SGPP1: variants seen among roughly 807,000 people sequenced by gnomAD.
SGPP1 encodes hSPP1.
SGPP1 carries 21 observed loss-of-function variants against 33.0 expected under a neutral mutation model. The observed-to-expected ratio is 0.64, with a 90% CI of 0.45 to 0.92. SGPP1 has a LOEUF of 0.92. Ranked by LOEUF, SGPP1 falls within the 40% of genes least tolerant of loss-of-function variation. SGPP1 has a pLI of 0.00. For synonymous variants in SGPP1, 239 were observed against 241.2 expected (o/e 0.99, Z 0.08); for missense variants, 543 against 589.4 (o/e 0.92, Z 0.81).
intron 1 of SGPP1, among the ~76,000 whole-genome samples, chr14:63,700,054 C>G (rs560227383): frequency 3.9e-5 from 6 of 152,102 alleles, no homozygotes; most frequent in African/African-American, 1.4e-4. Context: ...TCTCAACCTC[C>G]CAGGCTCAAG....
chr14:63,698,631 T>A lies in SGPP1; in HGVS notation c.712A>T (p.Ile238Phe). The A allele has an allele frequency of 6.2e-7, 1 of 1,603,328 alleles. No homozygotes were observed. Among genetic ancestry groups the A allele is most frequent in the South Asian group, 1.1e-5 (1 of 89,388 alleles). The change falls in exon 2 of 3, where the codon ATT (isoleucine) becomes TTT (phenylalanine). Residue 238 changes from isoleucine to phenylalanine, a missense_variant. Ile to Phe is a conservative substitution (Grantham distance 21). Transcript: ENST00000247225. ...CAAACTAGAGAACACCAGCAGGGAA[T>A]AAGAATCAGTCCATATATAAGAGGG... is the stretch of plus-strand genomic sequence containing the variant. ...QYPLIYGLIL[I>F]PCWCSLVCLS... is the part of the protein sequence containing the mutation.
At chr14:63,695,578 T>C (rs1885171599) in intron 2 of SGPP1, among the ~76,000 whole-genome samples, 1 of 152,168 alleles carries the variant, frequency 6.6e-6, no homozygotes, top group South Asian at 2.1e-4. Flanking sequence ...AGATAAACAA[T>C]AACAAACAGT....
In SGPP1 at chr14:63,688,712, TTCTTTTTTTTTTC is replaced by T. The variant is rs1242660667; in HGVS notation, c.775-2069_775-2057del. Among the ~76,000 whole-genome samples, 619 of 148,750 alleles carry T rather than the reference TTCTTTTTTTTTTC, an allele frequency of 4.2e-3. 4 individuals are homozygous for T. Among genetic ancestry groups the T allele is most frequent in the African/African-American group, 0.015 (571 of 38,948 alleles). ...AGAGGTCTTCAAAAACAACCGTCAT[TTCTTTTTTTTTTC>T]TTTTTTTTTTTTTTGAGATGGAGTC... On this transcript the variant is annotated intron_variant, in intron 2 of 2. Transcript: ENST00000247225.
chr14:63,687,370 G>A (rs1293174398), intron 2 of SGPP1, among the ~76,000 whole-genome samples: 1 of 152,208 alleles, frequency 6.6e-6, no homozygotes, highest in Admixed American at 6.5e-5. Context: ...AACCCAGGAA[G>A]TGGAGGTTGC....
intron 1 of SGPP1, among the ~76,000 whole-genome samples, chr14:63,716,785 C>G (rs1885637680): frequency 6.6e-6 from 1 of 151,936 alleles, no homozygotes; most frequent in Non-Finnish European, 1.5e-5. Flanking sequence ...CCTCTGCCTC[C>G]TGGGTTCAAG....
rs571998314 is a variant in SGPP1, at chr14:63,694,513, G to A, written c.774+4056C>T. On this transcript the variant is annotated intron_variant, in intron 2 of 2. Transcript: ENST00000247225. ...AACAAAACAAAACTTAGATTGCTACGAAACTAGACAAATCTGCTTCCTTTT... is the reference window on the plus strand; with the variant it reads ...AACAAAACAAAACTTAGATTGCTACAAAACTAGACAAATCTGCTTCCTTTT... Among the ~76,000 whole-genome samples, 3 of 151,934 alleles carry A rather than the reference G, an allele frequency of 2.0e-5. No homozygotes were observed. In the South Asian group the frequency reaches 6.2e-4, roughly 32 times the overall value.
intron 1 of SGPP1, among the ~76,000 whole-genome samples, chr14:63,703,655 CAAA>C (rs36065588): frequency 2.6e-5 from 1 of 38,944 alleles, no homozygotes; most frequent in South Asian, 8.7e-4. Context: ...GACTCCATCT[CAAA>C]AAAAAAAAAA....
chr14:63,721,112 A>C (rs1230102792), intron 1 of SGPP1, among the ~76,000 whole-genome samples: 2 of 152,022 alleles, frequency 1.3e-5, no homozygotes, highest in African/African-American at 4.8e-5. Flanking sequence ...TGAACTCCTG[A>C]CCTCAGGCGA....
At chr14:63,698,092 G>A (rs1335448935) in intron 2 of SGPP1, among the ~76,000 whole-genome samples, 2 of 152,182 alleles carry the variant, frequency 1.3e-5, no homozygotes, top group Non-Finnish European at 2.9e-5. Context: ...AAAACACAAT[G>A]TCCACTGTGA....
At chr14:63,720,867 G>A (rs141611691) in intron 1 of SGPP1, among the ~76,000 whole-genome samples, 1 of 152,250 alleles carries the variant, frequency 6.6e-6, no homozygotes, top group East Asian at 1.9e-4. Context: ...CAGAAAAAAA[G>A]ACCCTAGAAG....
intron 1 of SGPP1, among the ~76,000 whole-genome samples, chr14:63,701,011 C>T (rs1230524821): frequency 2.0e-5 from 3 of 151,698 alleles, no homozygotes; most frequent in African/African-American, 7.3e-5. Flanking sequence ...GATAGGGTCT[C>T]GCTCTGTTGC....
intron 1 of SGPP1, among the ~76,000 whole-genome samples, chr14:63,707,628 C>A (rs371391242): frequency 6.6e-6 from 1 of 151,816 alleles, no homozygotes; most frequent in African/African-American, 2.4e-5. Context: ...CTCCGCCTCC[C>A]GGGTTCAAGC....
At chr14:63,688,710 A>G (rs1405086803) in intron 2 of SGPP1, among the ~76,000 whole-genome samples, 1 of 144,490 alleles carries the variant, frequency 6.9e-6, no homozygotes, top group East Asian at 2.0e-4. Context: ...AACAACCGTC[A>G]TTTCTTTTTT....
chr14:63,702,832 A>G (rs1364300345), intron 1 of SGPP1, among the ~76,000 whole-genome samples: 1 of 152,266 alleles, frequency 6.6e-6, no homozygotes, highest in Non-Finnish European at 1.5e-5. Context: ...AAAGTAAAAA[A>G]GAATTTCATC....
Position 63,704,099 on chromosome 14 carries a change from T to C in SGPP1, c.685-5441A>G, listed in dbSNP as rs552650124. 4.3e-3 allele frequency among the ~76,000 whole-genome samples: 659 copies of C among 152,220 alleles called. 7 individuals carry two copies. The highest frequency in any genetic ancestry group is 0.015 in the African/African-American group (606 of 41,536). On this transcript the variant is annotated intron_variant, in intron 1 of 2. Coordinates refer to ENST00000247225, the MANE Select transcript of SGPP1 (RefSeq NM_030791.4). ...ATTTTAGCCTCCCAAAGCACTGGAATTACAGGCCTAAGCCACCATGCCCAG... is the reference window on the plus strand; with the variant it reads ...ATTTTAGCCTCCCAAAGCACTGGAACTACAGGCCTAAGCCACCATGCCCAG...
Position 63,726,656 on chromosome 14 carries a change from A to T in SGPP1, c.684+605T>A, listed in dbSNP as rs546547653. ...CAGATTAGTGATCCAGAAGATAATC[A>T]AACTTTATCAGCAAAGTAGCAACCA... On this transcript the variant is annotated intron_variant, in intron 1 of 2. Transcript: ENST00000247225. Among the ~76,000 whole-genome samples, 5 of 152,342 alleles carry T rather than the reference A, an allele frequency of 3.3e-5. No homozygotes were observed. The East Asian group carries it at 9.6e-4, about 29-fold the overall frequency.
intron 1 of SGPP1, among the ~76,000 whole-genome samples, chr14:63,717,574 G>C (rs769662518): frequency 4.6e-5 from 7 of 151,912 alleles, no homozygotes; most frequent in Non-Finnish European, 8.8e-5. Flanking sequence ...CGCCAGCCTC[G>C]GCCTCCCAAA....
rs1308500694 is a variant in SGPP1 at position 63,685,593 on chromosome 14, T to C, written c.*512A>G. On this transcript the variant is annotated 3_prime_UTR_variant, in exon 3 of 3. Transcript: ENST00000247225. ...TCAATGTATAGTAGCATATGCATTC[T>C]GGTCTAGTAATTACGCAATTCAATT... 1.3e-5 allele frequency: 2 copies of C among 152,428 alleles called. No individual in the cohort carries two copies. Among genetic ancestry groups the C allele is most frequent in the Non-Finnish European group, 2.9e-5 (2 of 67,926 alleles). 9.4% of individuals were successfully genotyped at this position (152,428 alleles called of 1,614,324 possible).
At chr14:63,695,224 T>A (rs1275018570) in intron 2 of SGPP1, among the ~76,000 whole-genome samples, 1 of 151,948 alleles carries the variant, frequency 6.6e-6, no homozygotes, top group Non-Finnish European at 1.5e-5. Context: ...GCCTGGCTAA[T>A]TTTTTGTATT....
Sources: gnomAD v4.1 joint callset for allele counts (sites outside exome capture counted in the v4.1 genomes callset) on GRCh38, gnomAD v4.1.1 for gene constraint, MANE v1.5 for transcripts, NCBI Gene and HGNC (gene_info 2026-07-23, HGNC 2026-07-21) for gene names.